UHRF2: variants seen among roughly 807,000 people sequenced by gnomAD.
The protein encoded by UHRF2 is E3 ubiquitin-protein ligase UHRF2.
A neutral mutation model predicts 96.8 loss-of-function variants in UHRF2; 23 were observed. The observed-to-expected ratio is 0.24, with a 90% CI of 0.17 to 0.34. The LOEUF (loss-of-function observed/expected upper bound fraction) is 0.34. Among genes scored for constraint, UHRF2 ranks in the 10% least tolerant of loss-of-function variants. UHRF2 has a pLI of 1.00. For missense variants in UHRF2, 685 were observed against 981.5 expected (o/e 0.70, Z 4.04); for synonymous variants, 385 against 332.6 (o/e 1.16, Z -1.72).
intron 3 of UHRF2, 192 bp downstream of exon 3, chr9:6,434,365 T>C: frequency 1.7e-6 from 1 of 600,872 alleles, no homozygotes; most frequent in Non-Finnish European, 2.7e-6. Flanking sequence ...CTCTGGTTCT[T>C]AAGTGGTTTA....
chr9:6,476,486 G>A (rs1823578462), intron 5 of UHRF2, among the ~76,000 whole-genome samples: 1 of 152,178 alleles, frequency 6.6e-6, no homozygotes, highest in Admixed American at 6.5e-5. Context: ...TTAGAATGCA[G>A]CTGTACCTCT....
intron 2 of UHRF2, among the ~76,000 whole-genome samples, chr9:6,421,997 A>G (rs897821890): frequency 9.2e-5 from 14 of 152,202 alleles, no homozygotes; most frequent in Admixed American, 6.5e-4. Flanking sequence ...TATTTAATCC[A>G]TAATTCATAG....
intron 9 of UHRF2, among the ~76,000 whole-genome samples, chr9:6,487,434 T>A (rs1014818827): frequency 1.3e-5 from 2 of 152,100 alleles, no homozygotes; most frequent in Non-Finnish European, 2.9e-5. Context: ...TGGCTCAGTC[T>A]CGGCTTACTG....
chr9:6,436,407 G>T (rs1253950272), intron 3 of UHRF2, among the ~76,000 whole-genome samples: 2 of 152,164 alleles, frequency 1.3e-5, no homozygotes, highest in Admixed American at 6.6e-5. Flanking sequence ...GTTGAAGTTG[G>T]TGTATTAATA....
intron 2 of UHRF2, among the ~76,000 whole-genome samples, chr9:6,425,365 T>C (rs949190122): frequency 6.6e-6 from 1 of 152,202 alleles, no homozygotes; most frequent in Non-Finnish European, 1.5e-5. Context: ...TATCTTACTT[T>C]CTGGCACTAC....
rs368717130 is a variant in UHRF2, at chr9:6,481,983, G to A, written c.1285-9G>A. ...ACTGATTTCTCAACGTTTGTTTTGCGTCTTGTAGGGAATGGCTTGTGTTGG... is the reference window on the plus strand; with the variant it reads ...ACTGATTTCTCAACGTTTGTTTTGCATCTTGTAGGGAATGGCTTGTGTTGG... On this transcript the variant is annotated splice_polypyrimidine_tract_variant and intron_variant, in intron 7 of 15. Coordinates refer to ENST00000276893, the MANE Select transcript of UHRF2 (RefSeq NM_152896.3). The A allele has an allele frequency of 1.1e-5, 17 of 1,611,286 alleles. No individual in the cohort carries two copies. The highest frequency in any genetic ancestry group is 8.9e-5 in the East Asian group (4 of 44,870).
chr9:6,492,237 G>C (rs888981046), intron 9 of UHRF2: 2 of 652,066 alleles, frequency 3.1e-6, no homozygotes, highest in African/African-American at 3.7e-5. Flanking sequence ...GCTTACATTT[G>C]TCTTATTATG....
chr9:6,470,549 T>C (rs1439193835), intron 4 of UHRF2, among the ~76,000 whole-genome samples: 4 of 152,058 alleles, frequency 2.6e-5, no homozygotes, highest in African/African-American at 9.7e-5. Context: ...AACATCGAAA[T>C]ATGGGACAGA....
intron 3 of UHRF2, among the ~76,000 whole-genome samples, chr9:6,435,543 A>G (rs1820793605): frequency 6.6e-6 from 1 of 152,194 alleles, no homozygotes; most frequent in Non-Finnish European, 1.5e-5. Context: ...ACAACCCCCC[A>G]AAAAGAAATC....
intron 3 of UHRF2, chr9:6,434,389 CA>C (rs1176920028): frequency 1.9e-6 from 1 of 514,858 alleles, no homozygotes; most frequent in Non-Finnish European, 3.3e-6. Context: ...TTTAGTATCA[CA>C]ATACTGGCTT....
At chr9:6,499,434 G>C (rs1825148038) in intron 12 of UHRF2, 1 of 152,418 alleles carries the variant, frequency 6.6e-6, no homozygotes, top group Non-Finnish European at 1.5e-5. Flanking sequence ...TATTTTTTTA[G>C]ATCAACTCCA....
At chr9:6,428,977 C>T (rs1820421863) in intron 2 of UHRF2, among the ~76,000 whole-genome samples, 1 of 152,130 alleles carries the variant, frequency 6.6e-6, no homozygotes, top group East Asian at 1.9e-4. Flanking sequence ...CCAGCCTGGC[C>T]AACATGGTGA....
chr9:6,413,419 C>T lies in UHRF2; in HGVS notation c.-72C>T, dbSNP rs1436204626. The stretch of plus-strand genomic sequence containing the variant: ...GGCCCGAGCCGCAGGGAAAGCGGCG[C>T]GGGCCGGGCGGGGCGCGGCGCCCAG... On this transcript the variant is annotated 5_prime_UTR_variant, in exon 1 of 16. Coordinates refer to ENST00000276893, the MANE Select transcript of UHRF2 (RefSeq NM_152896.3). 3 of 1,295,092 alleles carry T rather than the reference C, an allele frequency of 2.3e-6. No individual in the cohort carries two copies. The highest frequency in any genetic ancestry group is 5.7e-5 in the South Asian group (2 of 35,178). 80.2% of individuals were successfully genotyped at this position (1,295,092 alleles called of 1,614,324 possible).
intron 3 of UHRF2, among the ~76,000 whole-genome samples, chr9:6,444,148 A>T (rs1821350215): frequency 6.6e-6 from 1 of 152,166 alleles, no homozygotes; most frequent in Non-Finnish European, 1.5e-5. Context: ...ATTTTTCTTG[A>T]ATTAAGTGTC....
chr9:6,423,665 G>C (rs1820065064), intron 2 of UHRF2, among the ~76,000 whole-genome samples: 2 of 149,958 alleles, frequency 1.3e-5, no homozygotes, highest in African/African-American at 4.9e-5. Context: ...AAAAGTCTCG[G>C]CCGGGCGTGG....
chr9:6,503,861 C>T (rs1169372400), intron 14 of UHRF2, among the ~76,000 whole-genome samples: 2 of 151,706 alleles, frequency 1.3e-5, no homozygotes, highest in African/African-American at 4.8e-5. Flanking sequence ...TTTAGGGGGA[C>T]ATTGACTTTT....
At chr9:6,426,653 G>T (rs1293959948) in intron 2 of UHRF2, among the ~76,000 whole-genome samples, 1 of 152,138 alleles carries the variant, frequency 6.6e-6, no homozygotes, top group Non-Finnish European at 1.5e-5. Flanking sequence ...TTTGTAATCG[G>T]TATTCTGCCT....
intron 3 of UHRF2, among the ~76,000 whole-genome samples, chr9:6,437,705 C>T (rs1820934402): frequency 6.6e-6 from 1 of 152,178 alleles, no homozygotes; most frequent in African/African-American, 2.4e-5. Context: ...GCAACCTCCA[C>T]TTCCTGGTTT....
chr9:6,417,402 C>A (rs1265140746), intron 1 of UHRF2, among the ~76,000 whole-genome samples: 1 of 152,178 alleles, frequency 6.6e-6, no homozygotes, highest in Non-Finnish European at 1.5e-5. Flanking sequence ...TTCTGACTCA[C>A]AGATGTTTGT....
Sources: gnomAD v4.1 joint callset for allele counts (sites outside exome capture counted in the v4.1 genomes callset) on GRCh38, gnomAD v4.1.1 for gene constraint, MANE v1.5 for transcripts, NCBI Gene and HGNC (gene_info 2026-07-23, HGNC 2026-07-21) for gene names.